Variants in NBEA observed in about 807,000 individuals in gnomAD.
The protein encoded by NBEA is lysosomal-trafficking regulator 2.
Under a neutral mutation model 343.4 loss-of-function variants are expected in NBEA, and 44 were observed. That is an observed-to-expected ratio of 0.13 (90% CI 0.10 to 0.16). NBEA has a LOEUF of 0.16. Ranked by LOEUF, NBEA falls within the 10% of genes least tolerant of loss-of-function variation. The pLI is 1.00. For missense variants in NBEA, 2,555 were observed against 3,631.3 expected, an observed-to-expected ratio of 0.70 and a Z score of 7.62; for synonymous variants, 1,175 against 1,238.7, an observed-to-expected ratio of 0.95 and a Z score of 1.08.
chr13:35,070,875 A>G, intron 10 of NBEA, 23 bp downstream of exon 10: 1 of 1,608,290 alleles, frequency 6.2e-7, no homozygotes, highest in East Asian at 2.2e-5. Context: ...TGCATGTACA[A>G]TTGCTGGTAT....
At chr13:35,561,306 C>G (rs527293113) in intron 44 of NBEA, among the ~76,000 whole-genome samples, 1 of 152,148 alleles carries the variant, frequency 6.6e-6, no homozygotes, top group South Asian at 2.1e-4. Context: ...ACTAGAATTA[C>G]TGGACGAGGG....
At chr13:34,984,718 C>T (rs1159111505) in intron 1 of NBEA, among the ~76,000 whole-genome samples, 2 of 150,922 alleles carry the variant, frequency 1.3e-5, no homozygotes, top group East Asian at 1.9e-4. Context: ...TTTCGTTGAG[C>T]AGTGGTTTGT....
At chr13:35,452,808 A>C (rs571348525) in intron 40 of NBEA, among the ~76,000 whole-genome samples, 1 of 152,274 alleles carries the variant, frequency 6.6e-6, no homozygotes, top group Non-Finnish European at 1.5e-5. Flanking sequence ...TGGGGTATAG[A>C]TATCTTAGTG....
Position 35,308,504 on chromosome 13 carries a change from A to ATATATG in NBEA, c.5839-1019_5839-1018insGTATAT, listed in dbSNP as rs2037099468. Among the ~76,000 whole-genome samples, 8 of 115,594 alleles carry ATATATG rather than the reference A, an allele frequency of 6.9e-5. No individual in the cohort carries two copies. In the South Asian group the frequency reaches 1.3e-3, roughly 19 times the overall value. The allele number at this position is 115,594 out of a possible 152,430, so 75.8% of individuals were successfully genotyped here. Reference sequence around the variant, plus strand: ...TATATATGTGTATATATATGTGTATATATATATGTGTATATATGTATATAT... The same window carrying ATATATG: ...TATATATGTGTATATATATGTGTATATATATGTATATATGTGTATATATGTATATAT... On this transcript the variant is annotated intron_variant, in intron 35 of 58. Coordinates refer to ENST00000379939, the MANE Select transcript of NBEA (RefSeq NM_001385012.1).
At chr13:35,270,126 C>T (rs962331508) in intron 34 of NBEA, among the ~76,000 whole-genome samples, 3 of 152,070 alleles carry the variant, frequency 2.0e-5, no homozygotes, top group Admixed American at 1.3e-4. Flanking sequence ...AATTAAGTAG[C>T]CCCCAAAGTA....
intron 38 of NBEA, among the ~76,000 whole-genome samples, chr13:35,390,596 G>T (rs1594452942): frequency 6.6e-6 from 1 of 152,158 alleles, no homozygotes; most frequent in East Asian, 1.9e-4. Context: ...TTCTTGTGAA[G>T]TGGGGGACTG....
intron 35 of NBEA, among the ~76,000 whole-genome samples, chr13:35,306,528 A>G (rs2036903697): frequency 6.6e-6 from 1 of 151,866 alleles, no homozygotes; most frequent in South Asian, 2.1e-4. Context: ...TTTTATTACT[A>G]CATTTTTTTG....
intron 1 of NBEA, among the ~76,000 whole-genome samples, chr13:34,998,029 T>C (rs2060996984): frequency 6.6e-6 from 1 of 152,134 alleles, no homozygotes. Flanking sequence ...CCCCGATATT[T>C]CACATAGGTT....
At chr13:35,592,320 T>C (rs1183399219) in intron 46 of NBEA, among the ~76,000 whole-genome samples, 1 of 152,162 alleles carries the variant, frequency 6.6e-6, no homozygotes, top group Non-Finnish European at 1.5e-5. Flanking sequence ...GAGCAACTTC[T>C]ATGTACCAGG....
intron 38 of NBEA, among the ~76,000 whole-genome samples, chr13:35,381,860 T>C (rs753086177): frequency 6.6e-5 from 10 of 152,156 alleles, no homozygotes; most frequent in Non-Finnish European, 1.2e-4. Context: ...ATGTGACTGA[T>C]TATTATACCG....
chr13:35,434,609 A>G (rs1340278884), intron 39 of NBEA, among the ~76,000 whole-genome samples: 2 of 152,212 alleles, frequency 1.3e-5, no homozygotes, highest in Admixed American at 6.5e-5. Flanking sequence ...TCCAAAAACA[A>G]TTATCCTCTA....
At chr13:35,397,653 C>G (rs1217523330) in intron 38 of NBEA, among the ~76,000 whole-genome samples, 1 of 152,138 alleles carries the variant, frequency 6.6e-6, no homozygotes, top group Non-Finnish European at 1.5e-5. Context: ...TTCCAGACCA[C>G]TACAATACAG....
chr13:34,986,612 T>C (rs1766033855), intron 1 of NBEA, among the ~76,000 whole-genome samples: 1 of 150,948 alleles, frequency 6.6e-6, no homozygotes, highest in South Asian at 2.1e-4. Context: ...GTCTCATTGA[T>C]CTGTCTAATA....
chr13:35,666,285 G>A (rs531871103), intron 56 of NBEA, among the ~76,000 whole-genome samples: 28 of 152,040 alleles, frequency 1.8e-4, no homozygotes, highest in South Asian at 1.0e-3. Context: ...TCTGAAGGCT[G>A]GCACCATGTT....
chr13:35,602,301 C>T (rs2082088971), intron 47 of NBEA, among the ~76,000 whole-genome samples: 1 of 152,134 alleles, frequency 6.6e-6, no homozygotes, highest in Non-Finnish European at 1.5e-5. Context: ...TTAAATAAAA[C>T]TTGCTATTTG....
intron 49 of NBEA, among the ~76,000 whole-genome samples, chr13:35,628,667 C>T (rs1032265823): frequency 7.2e-5 from 11 of 152,136 alleles, no homozygotes; most frequent in Admixed American, 3.9e-4. Flanking sequence ...CCTGTAATTC[C>T]AGCACTTTGG....
At chr13:35,357,932 C>T (rs189119825) in intron 38 of NBEA, among the ~76,000 whole-genome samples, 1 of 151,970 alleles carries the variant, frequency 6.6e-6, no homozygotes, top group Non-Finnish European at 1.5e-5. Flanking sequence ...TTGCAAAGAC[C>T]CTTTTAAAAA....
intron 47 of NBEA, among the ~76,000 whole-genome samples, chr13:35,603,473 A>G (rs566147045): frequency 1.5e-3 from 234 of 152,306 alleles, no homozygotes; most frequent in African/African-American, 5.2e-3. Context: ...GTGAAATTGC[A>G]TTGTAGTGGT....
chr13:35,002,965 A>G (rs1272188673), intron 1 of NBEA, among the ~76,000 whole-genome samples: 1 of 152,154 alleles, frequency 6.6e-6, no homozygotes, highest in East Asian at 1.9e-4. Context: ...CAAGGTACAT[A>G]CCGTAAGCCA....
Sources: allele counts gnomAD v4.1 joint callset (sites outside exome capture counted in the v4.1 genomes callset), GRCh38; gene constraint gnomAD v4.1.1; transcripts MANE v1.5; gene names NCBI Gene and HGNC (gene_info 2026-07-23, HGNC 2026-07-21).